Variants in PLCG2 observed in about 807,000 individuals in gnomAD.
PLCG2 encodes the protein phospholipase C gamma 2, also known as 1-phosphatidylinositol 4,5-bisphosphate phosphodiesterase gamma-2.
A neutral mutation model predicts 175.6 loss-of-function variants in PLCG2; 69 were observed. That is an observed-to-expected ratio of 0.39 (90% CI 0.32 to 0.48). PLCG2 has a LOEUF of 0.48. PLCG2 is among the 20% of genes least tolerant of loss of function. PLCG2 has a pLI of 0.91. For synonymous variants in PLCG2, 827 were observed against 624.0 expected (o/e 1.33, Z -4.85); for missense variants, 1,798 against 1,650.9 (o/e 1.09, Z -1.54).
chr16:81,835,765 G>A (rs759504825), intron 2 of PLCG2, among the ~76,000 whole-genome samples: 39 of 152,092 alleles, frequency 2.6e-4, no homozygotes, highest in Non-Finnish European at 5.0e-4. Context: ...TCAAGGTGTT[G>A]GTAGGGCAGT....
intron 2 of PLCG2, among the ~76,000 whole-genome samples, chr16:81,814,966 A>G (rs1904478420): frequency 6.6e-6 from 1 of 152,168 alleles, no homozygotes; most frequent in Admixed American, 6.5e-5. Flanking sequence ...GCTGCTGGAG[A>G]TGGTGGCGAT....
intron 1 of PLCG2, among the ~76,000 whole-genome samples, chr16:81,742,653 A>G (rs1418078355): frequency 6.6e-6 from 1 of 152,204 alleles, no homozygotes; most frequent in African/African-American, 2.4e-5. Context: ...CACTGCTTTC[A>G]GGGAGCTGGT....
At chr16:81,857,163 A>T (rs1906728174) in intron 3 of PLCG2, among the ~76,000 whole-genome samples, 1 of 152,240 alleles carries the variant, frequency 6.6e-6, no homozygotes, top group Admixed American at 6.5e-5. Flanking sequence ...CTTTGGCACC[A>T]GGCAGGTGTT....
intron 2 of PLCG2, among the ~76,000 whole-genome samples, chr16:81,803,678 TTCCTTTTC>T (rs1911862011): frequency 8.2e-6 from 1 of 122,426 alleles, no homozygotes; most frequent in Non-Finnish European, 1.7e-5. Context: ...CCTTCCTTCC[TTCCTTTTC>T]TTTCTTTCTT....
At chr16:81,743,727 C>T (rs1193431735) in intron 1 of PLCG2, among the ~76,000 whole-genome samples, 1 of 152,136 alleles carries the variant, frequency 6.6e-6, no homozygotes, top group South Asian at 2.1e-4. Context: ...GGAGGTGAGG[C>T]CCATCCCAAG....
At chr16:81,889,432 C>T in intron 10 of PLCG2, 159 bp downstream of exon 10, 1 of 567,988 alleles carries the variant, frequency 1.8e-6, no homozygotes, top group Middle Eastern at 3.1e-4. Flanking sequence ...CTTTTCTTTT[C>T]TTTTTTCTCC....
At chr16:81,816,651 A>ACTTTTTTTTTTTTTTTTTTT (rs1555509092) in intron 2 of PLCG2, among the ~76,000 whole-genome samples, 1 of 108,858 alleles carries the variant, frequency 9.2e-6, no homozygotes. Context: ...GCTAATTTTA[A>ACTTTTTTTTTTTTTTTTTTT]TTTTTTTTTT....
At chr16:81,828,490 G>A (rs28531390) in intron 2 of PLCG2, among the ~76,000 whole-genome samples, 1,691 of 151,974 alleles carry the variant, frequency 0.011, 34 homozygotes, top group African/African-American at 0.039. Context: ...CACCCATCTC[G>A]GCCTCCCAAA....
At chr16:81,926,048 C>T (rs888007374) in intron 22 of PLCG2, among the ~76,000 whole-genome samples, 2 of 151,948 alleles carry the variant, frequency 1.3e-5, no homozygotes, top group Admixed American at 6.6e-5. Flanking sequence ...TCAGGGAAGA[C>T]TCCGTGGGAG....
intron 1 of PLCG2, among the ~76,000 whole-genome samples, chr16:81,751,906 T>C (rs1909819792): frequency 6.6e-6 from 1 of 151,910 alleles, no homozygotes; most frequent in African/African-American, 2.4e-5. Context: ...TCTGTAATCT[T>C]AGCTACTCGG....
At chr16:81,907,303 G>T (rs543438693) in intron 15 of PLCG2, among the ~76,000 whole-genome samples, 5 of 150,964 alleles carry the variant, frequency 3.3e-5, no homozygotes, top group African/African-American at 1.2e-4. Context: ...ATTTCATCGG[G>T]GGAAAAAAAA....
chr16:81,917,692 A>C (rs571209839), intron 19 of PLCG2, among the ~76,000 whole-genome samples: 1 of 152,294 alleles, frequency 6.6e-6, no homozygotes, highest in Admixed American at 6.5e-5. Flanking sequence ...TCCTTTGAGA[A>C]ATGTCTATTC....
intron 19 of PLCG2, among the ~76,000 whole-genome samples, chr16:81,918,125 G>C (rs1229920941): frequency 6.6e-6 from 1 of 152,188 alleles, no homozygotes; most frequent in East Asian, 1.9e-4. Flanking sequence ...TCAGTTTGCA[G>C]ATGTTTTTCC....
chr16:81,894,706 C>T (rs1054239324), intron 12 of PLCG2, among the ~76,000 whole-genome samples: 2 of 152,050 alleles, frequency 1.3e-5, no homozygotes, highest in Non-Finnish European at 2.9e-5. Context: ...AACCCTTTCT[C>T]TACTAAAAAT....
At chr16:81,860,620 A>C (rs1213288272) in intron 5 of PLCG2, among the ~76,000 whole-genome samples, 2 of 152,106 alleles carry the variant, frequency 1.3e-5, no homozygotes, top group Non-Finnish European at 2.9e-5. Context: ...GAGGTTGAGC[A>C]TTTTTAATTC....
In PLCG2 at chr16:81,937,920, C is replaced by A. The variant is rs41311270; in HGVS notation, c.3198+17C>A. The A allele has an allele frequency of 1.2e-6, 2 of 1,613,184 alleles. No homozygotes were observed. The highest frequency in any genetic ancestry group is 2.2e-5 in the South Asian group (2 of 90,992). ...ACAGTCAAGGTAAAGCCAGCCCTCCCTTCCTGCCAGGGGAGCCAGCCGCCC... is the reference window on the plus strand; with the variant it reads ...ACAGTCAAGGTAAAGCCAGCCCTCCATTCCTGCCAGGGGAGCCAGCCGCCC... On this transcript the variant is annotated intron_variant, in intron 28 of 32. Coordinates refer to ENST00000564138, the MANE Select transcript of PLCG2 (RefSeq NM_002661.5).
chr16:81,942,984 A>C (rs1911010259), intron 30 of PLCG2, among the ~76,000 whole-genome samples: 1 of 152,086 alleles, frequency 6.6e-6, no homozygotes, highest in Non-Finnish European at 1.5e-5. Flanking sequence ...CAGCGAGAGA[A>C]GGTACATAGA....
At chr16:81,763,524 A>G (rs372077381) in intron 2 of PLCG2, among the ~76,000 whole-genome samples, 155 of 152,320 alleles carry the variant, frequency 1.0e-3, no homozygotes, top group African/African-American at 3.6e-3. Flanking sequence ...TTTACAGGTG[A>G]GGCTCCCCGG....
intron 7 of PLCG2, among the ~76,000 whole-genome samples, chr16:81,874,948 G>GTTTTTTTTT (rs770994063): frequency 2.0e-4 from 8 of 40,770 alleles, no homozygotes; most frequent in Non-Finnish European, 2.5e-4. Flanking sequence ...TATCCTATGT[G>GTTTTTTTTT]TTTTTTTTTT....
Sources: allele counts gnomAD v4.1 joint callset (sites outside exome capture counted in the v4.1 genomes callset), GRCh38; gene constraint gnomAD v4.1.1; transcripts MANE v1.5; gene names NCBI Gene and HGNC (gene_info 2026-07-23, HGNC 2026-07-21).